The following L3MBTL3 variants were observed in gnomAD, a reference collection of about 807,000 sequenced individuals.
L3MBTL3 encodes the protein L3MBTL histone methyl-lysine binding protein 3, also known as lethal(3)malignant brain tumor-like protein 3.
In L3MBTL3, 27 loss-of-function variants were observed where a neutral mutation model predicts 102.3. The observed-to-expected ratio is 0.26, with a 90% confidence interval of 0.19 to 0.36. The LOEUF (loss-of-function observed/expected upper bound fraction) is 0.36. Among genes scored for constraint, L3MBTL3 ranks in the 10% least tolerant of loss-of-function variants. The pLI is 1.00. For missense variants in L3MBTL3, 798 were observed against 955.3 expected, an observed-to-expected ratio of 0.84 and a Z score of 2.17; for synonymous variants, 340 against 320.9, an observed-to-expected ratio of 1.06 and a Z score of -0.64.
intron 19 of L3MBTL3, among the ~76,000 whole-genome samples, chr6:130,106,868 T>G (rs565381033): frequency 5.9e-5 from 9 of 152,358 alleles, no homozygotes; most frequent in African/African-American, 1.9e-4. Context: ...TCCACTCATT[T>G]CCCAATGGGT....
At chr6:130,094,506 A>G (rs567561224) in intron 18 of L3MBTL3, 139 bp downstream of exon 18, 1 of 465,284 alleles carries the variant, frequency 2.1e-6, no homozygotes, top group Admixed American at 4.1e-5. Context: ...CATGGTGATC[A>G]TGTAAAAATG....
intron 19 of L3MBTL3, among the ~76,000 whole-genome samples, chr6:130,111,747 T>G (rs1247734707): frequency 6.6e-6 from 1 of 152,164 alleles, no homozygotes; most frequent in Non-Finnish European, 1.5e-5. Context: ...CCCTGGGACT[T>G]CCTTAAAACT....
chr6:130,079,537 T>C (rs1473953092), intron 14 of L3MBTL3, among the ~76,000 whole-genome samples: 1 of 152,178 alleles, frequency 6.6e-6, no homozygotes, highest in East Asian at 1.9e-4. Flanking sequence ...CCACTCCTGG[T>C]ATGAAAAGAC....
chr6:130,124,389 A>C (rs1371297539), intron 20 of L3MBTL3, among the ~76,000 whole-genome samples: 1 of 152,178 alleles, frequency 6.6e-6, no homozygotes, highest in Non-Finnish European at 1.5e-5. Context: ...AAATCAGACA[A>C]AACAAAAGAA....
intron 19 of L3MBTL3, among the ~76,000 whole-genome samples, chr6:130,108,236 T>TG (rs1785115221): frequency 2.9e-5 from 4 of 138,088 alleles, no homozygotes; most frequent in Non-Finnish European, 6.4e-5. Flanking sequence ...TTTTTGTTTT[T>TG]TTTTTTTTTT....
At chr6:130,096,485 G>A (rs1784373211) in intron 18 of L3MBTL3, among the ~76,000 whole-genome samples, 1 of 152,160 alleles carries the variant, frequency 6.6e-6, no homozygotes, top group African/African-American at 2.4e-5. Flanking sequence ...TGCAATTGGA[G>A]GTGAAACAAA....
intron 19 of L3MBTL3, among the ~76,000 whole-genome samples, chr6:130,112,851 A>C (rs1785441190): frequency 6.6e-6 from 1 of 152,158 alleles, no homozygotes; most frequent in Admixed American, 6.5e-5. Context: ...TATAGACAGA[A>C]ATGTGAGTAT....
chr6:130,028,582 T>G (rs1779508268), intron 2 of L3MBTL3, among the ~76,000 whole-genome samples: 1 of 152,220 alleles, frequency 6.6e-6, no homozygotes, highest in Non-Finnish European at 1.5e-5. Context: ...AGGACAGATT[T>G]CACATCTCTC....
intron 2 of L3MBTL3, among the ~76,000 whole-genome samples, chr6:130,039,707 C>T (rs1780298106): frequency 6.6e-6 from 1 of 151,986 alleles, no homozygotes; most frequent in East Asian, 1.9e-4. Context: ...GAAATATAAT[C>T]ACAGTTTCAA....
chr6:130,089,333 C>G (rs772659768), intron 16 of L3MBTL3, among the ~76,000 whole-genome samples: 1 of 149,858 alleles, frequency 6.7e-6, no homozygotes, highest in African/African-American at 2.5e-5. Flanking sequence ...TTTCTGTCTT[C>G]GTGATAGTTT....
In L3MBTL3 at chr6:130,038,197, T is replaced by G. The variant is rs1780180427; in HGVS notation, c.-15-4488T>G. 2.6e-5 allele frequency among the ~76,000 whole-genome samples: 4 copies of G among 152,172 alleles called. No individual in the cohort carries two copies. In the South Asian group the frequency reaches 8.3e-4, roughly 32 times the overall value. Reference sequence around the variant, plus strand: ...CTCATGGACACTTAGGTTGATTCCATATCTTGGCTCTCAAGAATAGTGCTG... The same window carrying G: ...CTCATGGACACTTAGGTTGATTCCAGATCTTGGCTCTCAAGAATAGTGCTG... On this transcript the variant is annotated intron_variant, in intron 2 of 22. Transcript: ENST00000361794.
At chr6:130,067,234 C>T (rs1392593449) in intron 11 of L3MBTL3, among the ~76,000 whole-genome samples, 6 of 152,118 alleles carry the variant, frequency 3.9e-5, no homozygotes, top group Non-Finnish European at 7.4e-5. Flanking sequence ...CTACCTCAGC[C>T]TCCCGAATAG....
chr6:130,117,753 G>A (rs1785814464), intron 19 of L3MBTL3, among the ~76,000 whole-genome samples: 1 of 151,942 alleles, frequency 6.6e-6, no homozygotes, highest in Non-Finnish European at 1.5e-5. Flanking sequence ...AGGCTGAAGT[G>A]CAGTGGTGCA....
chr6:130,123,107 C>A (rs569512411), intron 20 of L3MBTL3, among the ~76,000 whole-genome samples: 7 of 152,202 alleles, frequency 4.6e-5, no homozygotes, highest in South Asian at 4.2e-4. Flanking sequence ...ATTTAACTTT[C>A]CATTTTATTT....
chr6:130,022,650 A>G (rs559026695), intron 2 of L3MBTL3, among the ~76,000 whole-genome samples: 22 of 152,236 alleles, frequency 1.4e-4, no homozygotes, highest in Admixed American at 1.4e-3. Flanking sequence ...TAAGTGTTAC[A>G]TTGTTATACA....
intron 3 of L3MBTL3, among the ~76,000 whole-genome samples, chr6:130,044,774 A>G (rs1190434467): frequency 6.6e-6 from 1 of 152,190 alleles, no homozygotes; most frequent in Admixed American, 6.5e-5. Flanking sequence ...ATCACTGAAG[A>G]TTTCTAATTC....
chr6:130,030,948 C>T (rs986605734), intron 2 of L3MBTL3, among the ~76,000 whole-genome samples: 2 of 152,118 alleles, frequency 1.3e-5, no homozygotes, highest in Non-Finnish European at 2.9e-5. Flanking sequence ...AATTATTGTG[C>T]CCCACCATGT....
chr6:130,055,047 T>TA (rs929865872), intron 7 of L3MBTL3, 124 bp from the exon 8 acceptor site: 4 of 732,086 alleles, frequency 5.5e-6, no homozygotes, highest in Non-Finnish European at 9.6e-6. Context: ...TTACTTTCCT[T>TA]AAAAGTTACA....
chr6:130,042,070 C>T (rs909576269), intron 2 of L3MBTL3, among the ~76,000 whole-genome samples: 3 of 152,152 alleles, frequency 2.0e-5, no homozygotes, highest in African/African-American at 7.2e-5. Flanking sequence ...ATTTGTTTTT[C>T]TCATGTTACA....
Sources: allele counts gnomAD v4.1 joint callset (sites outside exome capture counted in the v4.1 genomes callset), GRCh38; gene constraint gnomAD v4.1.1; transcripts MANE v1.5; gene names NCBI Gene and HGNC (gene_info 2026-07-23, HGNC 2026-07-21).